The following AUTS2 variants were observed in gnomAD, a reference collection of about 807,000 sequenced individuals.
The protein encoded by AUTS2 is autism susceptibility gene 2 protein.
AUTS2 carries 17 observed loss-of-function variants against 112.4 expected under a neutral mutation model. The ratio of observed to expected loss-of-function variants is 0.15; its 90% CI spans 0.10 to 0.23. The LOEUF is 0.23. AUTS2 is among the 10% of genes least tolerant of loss of function. The pLI, the probability that AUTS2 is intolerant of heterozygous loss-of-function variation, is 1.00. For synonymous variants in AUTS2, 751 were observed against 702.7 expected (o/e 1.07, Z -1.09); for missense variants, 1,510 against 1,701.6 (o/e 0.89, Z 1.98).
chr7:70,461,442 T>C (rs952719928), intron 5 of AUTS2, among the ~76,000 whole-genome samples: 9 of 152,166 alleles, frequency 5.9e-5, no homozygotes, highest in Non-Finnish European at 1.2e-4. Flanking sequence ...CAAAGGCTGA[T>C]GATGGGCTCA....
At chr7:70,209,399 G>C (rs768496083) in intron 4 of AUTS2, among the ~76,000 whole-genome samples, 1 of 152,188 alleles carries the variant, frequency 6.6e-6, no homozygotes, top group Non-Finnish European at 1.5e-5. Flanking sequence ...GCTAAGAAAA[G>C]ATGTCATCTG....
intron 1 of AUTS2, among the ~76,000 whole-genome samples, chr7:69,861,453 T>C (rs188946534): frequency 7.9e-5 from 12 of 152,280 alleles, no homozygotes; most frequent in East Asian, 1.9e-4. Flanking sequence ...CTCACAGTTA[T>C]AAAGGTTAAG....
chr7:70,288,999 A>G (rs1044117324), intron 4 of AUTS2, among the ~76,000 whole-genome samples: 3 of 152,190 alleles, frequency 2.0e-5, no homozygotes, highest in African/African-American at 7.2e-5. Flanking sequence ...CTTCAAGAGT[A>G]AAAAGGCAGA....
intron 1 of AUTS2, among the ~76,000 whole-genome samples, chr7:69,749,359 A>G (rs1196985553): frequency 1.3e-5 from 2 of 152,160 alleles, no homozygotes; most frequent in Admixed American, 1.3e-4. Flanking sequence ...GTTTTAGAAA[A>G]TGTTCATCTC....
rs184851385 is a variant in AUTS2 at position 70,014,682 on chromosome 7, A to G, written c.523-103450A>G. On this transcript the variant is annotated intron_variant, in intron 2 of 18. Coordinates refer to ENST00000342771, the MANE Select transcript of AUTS2 (RefSeq NM_015570.4). ...TCCTGTGTTTTGCTTCTTTGTGTGC[A>G]TTCACGTAGACATGCACACCTCTTC... 2.1e-3 allele frequency among the ~76,000 whole-genome samples: 320 copies of G among 152,278 alleles called. 1 individual carries two copies. Among genetic ancestry groups the G allele is most frequent in the African/African-American group, 7.4e-3 (306 of 41,546 alleles).
At chr7:70,331,230 G>C (rs1443241646) in intron 4 of AUTS2, among the ~76,000 whole-genome samples, 2 of 152,114 alleles carry the variant, frequency 1.3e-5, no homozygotes, top group African/African-American at 4.8e-5. Context: ...TTCAGAATTT[G>C]TTATTGGTCT....
At chr7:70,424,566 G>GT (rs1406974010) in intron 4 of AUTS2, among the ~76,000 whole-genome samples, 3 of 151,954 alleles carry the variant, frequency 2.0e-5, no homozygotes, top group Admixed American at 6.6e-5. Flanking sequence ...GATTCTTGGT[G>GT]TTTTTTGTTT....
intron 1 of AUTS2, among the ~76,000 whole-genome samples, chr7:69,860,338 C>T (rs913579220): frequency 1.3e-5 from 2 of 152,038 alleles, no homozygotes; most frequent in Admixed American, 6.6e-5. Context: ...GGATTTCAAT[C>T]AGGGATTTAA....
intron 5 of AUTS2, among the ~76,000 whole-genome samples, chr7:70,574,170 G>A (rs969722935): frequency 5.3e-5 from 8 of 152,126 alleles, no homozygotes; most frequent in Non-Finnish European, 1.2e-4. Flanking sequence ...TTCCCCAAGG[G>A]CTGTGTAAGG....
In AUTS2 at chr7:70,135,655, C is replaced by CT. The variant is rs953792727; in HGVS notation, c.660+1092dup. Reference sequence around the variant, plus strand: ...AAAAGTGGCATTTTCTAGATGTTGACTTTTTTTTGGTCTTAATCTGTAATA... The same window carrying CT: ...AAAAGTGGCATTTTCTAGATGTTGACTTTTTTTTTGGTCTTAATCTGTAATA... On this transcript the variant is annotated intron_variant, in intron 4 of 18. Coordinates refer to ENST00000342771, the MANE Select transcript of AUTS2 (RefSeq NM_015570.4). Among the ~76,000 whole-genome samples, 14 of 151,986 alleles carry CT rather than the reference C, an allele frequency of 9.2e-5. 1 individual carries two copies. The highest frequency in any genetic ancestry group is 6.8e-3 in the Middle Eastern group (2 of 294).
At chr7:70,746,593 G>A (rs994583528) in intron 6 of AUTS2, among the ~76,000 whole-genome samples, 4 of 152,218 alleles carry the variant, frequency 2.6e-5, no homozygotes, top group African/African-American at 9.7e-5. Flanking sequence ...CAGATGGCTA[G>A]CAGGGGCTGT....
intron 2 of AUTS2, among the ~76,000 whole-genome samples, chr7:69,935,143 A>G (rs1796360876): frequency 6.6e-6 from 1 of 150,980 alleles, no homozygotes; most frequent in Non-Finnish European, 1.5e-5. Flanking sequence ...CATAATCACA[A>G]CCTTAATAGC....
chr7:70,488,125 G>A (rs1304987127), intron 5 of AUTS2, among the ~76,000 whole-genome samples: 5 of 152,232 alleles, frequency 3.3e-5, no homozygotes, highest in African/African-American at 1.2e-4. Flanking sequence ...CAGCCATTGT[G>A]CAAGGCAAGG....
chr7:69,868,102 T>C (rs1793317865), intron 1 of AUTS2, among the ~76,000 whole-genome samples: 1 of 152,164 alleles, frequency 6.6e-6, no homozygotes. Flanking sequence ...GTGTGTTAAA[T>C]ATTCCCAATG....
At chr7:69,717,051 A>G (rs953435649) in intron 1 of AUTS2, among the ~76,000 whole-genome samples, 1 of 152,180 alleles carries the variant, frequency 6.6e-6, no homozygotes, top group African/African-American at 2.4e-5. Flanking sequence ...AAAATTTATT[A>G]CATAGGCAGG....
At chr7:70,374,116 A>G (rs1257293532) in intron 4 of AUTS2, among the ~76,000 whole-genome samples, 1 of 152,206 alleles carries the variant, frequency 6.6e-6, no homozygotes, top group Non-Finnish European at 1.5e-5. Flanking sequence ...ATTCTTGATC[A>G]TTTCTTTAGG....
intron 1 of AUTS2, among the ~76,000 whole-genome samples, chr7:69,774,811 C>T (rs572985495): frequency 6.6e-6 from 1 of 152,242 alleles, no homozygotes; most frequent in East Asian, 1.9e-4. Context: ...GATTCTGGTT[C>T]AGTAGGTCTA....
intron 4 of AUTS2, among the ~76,000 whole-genome samples, chr7:70,403,773 G>A (rs1416412718): frequency 6.6e-6 from 1 of 152,186 alleles, no homozygotes; most frequent in East Asian, 1.9e-4. Flanking sequence ...TTCATTACAG[G>A]TTTGTTTATG....
At chr7:70,544,793 G>T (rs958673783) in intron 5 of AUTS2, among the ~76,000 whole-genome samples, 1 of 152,112 alleles carries the variant, frequency 6.6e-6, no homozygotes, top group African/African-American at 2.4e-5. Flanking sequence ...GAATGGCTGC[G>T]GGGTGTGCTG....
Sources: allele counts gnomAD v4.1 joint callset (sites outside exome capture counted in the v4.1 genomes callset), GRCh38; gene constraint gnomAD v4.1.1; transcripts MANE v1.5; gene names NCBI Gene and HGNC (gene_info 2026-07-23, HGNC 2026-07-21).